Variants in SAXO1 observed in about 807,000 individuals in gnomAD.
SAXO1 encodes the protein stabilizer of axonemal microtubules 1.
Under a neutral mutation model 17.5 loss-of-function variants are expected in SAXO1, and 21 were observed. That is an observed-to-expected ratio of 1.20 (90% CI 0.85 to 1.72). The LOEUF (loss-of-function observed/expected upper bound fraction) is 1.72. Among genes scored for constraint, SAXO1 ranks in the 40% most tolerant of loss-of-function variants. The pLI, the probability that SAXO1 is intolerant of heterozygous loss-of-function variation, is 0.00. For synonymous variants in SAXO1, 274 were observed against 216.5 expected (o/e 1.27, Z -2.33); for missense variants, 843 against 596.0 (o/e 1.41, Z -4.32).
At chr9:19,045,870 C>T (rs1836200571) in intron 1 of SAXO1, among the ~76,000 whole-genome samples, 2 of 152,172 alleles carry the variant, frequency 1.3e-5, no homozygotes, top group Admixed American at 6.5e-5. Context: ...CATTTTTGAA[C>T]TTCTTTTACT....
rs377548015 is a variant in SAXO1 at position 18,928,845 on chromosome 9, T to G, written c.632A>C (p.Tyr211Ser). 6.2e-7 allele frequency: 1 copy of G among 1,614,152 alleles called. No homozygotes were observed. Among genetic ancestry groups the G allele is most frequent in the Non-Finnish European group, 8.5e-7 (1 of 1,180,040 alleles). Residue 211 changes from tyrosine (Y) to serine (S), a missense_variant, in exon 4 of 4, where the codon TAT (tyrosine) becomes TCT (serine). Coordinates refer to ENST00000380534, the MANE Select transcript of SAXO1 (RefSeq NM_153707.4). Reference protein sequence around the residue: ...LEDVTNYKMSYVAHPVEKRFV... With the variant: ...LEDVTNYKMSSVAHPVEKRFV... Reference sequence around the variant, plus strand: ...GCGCTTCTCCACGGGGTGGGCCACATAGCTCATCTTGTAGTTAGTCACATC... The same window carrying G: ...GCGCTTCTCCACGGGGTGGGCCACAGAGCTCATCTTGTAGTTAGTCACATC...
intron 1 of SAXO1, among the ~76,000 whole-genome samples, chr9:19,010,689 G>A (rs769977988): frequency 6.6e-6 from 1 of 151,984 alleles, no homozygotes; most frequent in Non-Finnish European, 1.5e-5. Context: ...TTTTAAAAAC[G>A]GGTTAAAAAA....
chr9:18,961,917 G>A (rs955144215), intron 1 of SAXO1, among the ~76,000 whole-genome samples: 2 of 152,176 alleles, frequency 1.3e-5, no homozygotes, highest in Non-Finnish European at 2.9e-5. Flanking sequence ...TTGCCACACT[G>A]TCTTCCACAA....
At chr9:18,990,671 A>G (rs1475482794) in intron 1 of SAXO1, among the ~76,000 whole-genome samples, 1 of 152,196 alleles carries the variant, frequency 6.6e-6, no homozygotes, top group Non-Finnish European at 1.5e-5. Context: ...GAGCAAGTGA[A>G]GCTTCATCTG....
intron 1 of SAXO1, among the ~76,000 whole-genome samples, chr9:18,954,097 A>G (rs1196180190): frequency 2.6e-5 from 4 of 152,180 alleles, no homozygotes; most frequent in African/African-American, 9.7e-5. Flanking sequence ...ATGGATCCAT[A>G]GGCCGGGAAG....
At chr9:19,046,039 G>C (rs1836205911) in intron 1 of SAXO1, among the ~76,000 whole-genome samples, 1 of 128,604 alleles carries the variant, frequency 7.8e-6, no homozygotes, top group African/African-American at 3.1e-5. Context: ...GGTGAGCAGA[G>C]ATTGCGCCGT....
intron 1 of SAXO1, among the ~76,000 whole-genome samples, chr9:18,989,625 G>A (rs1035356931): frequency 6.6e-6 from 1 of 151,360 alleles, no homozygotes; most frequent in Non-Finnish European, 1.5e-5. Context: ...GTACTTTCAG[G>A]CTTTTAAAAA....
rs1416898440 is a variant in SAXO1 at position 19,038,581 on chromosome 9, G to C, written c.-158+10628C>G. ...ATGAGAACACATGGACACAGGAAGG[G>C]GAACATCACACTCTGGGGACTGTTG... On this transcript the variant is annotated intron_variant, in intron 1 of 3. Transcript: ENST00000542071. Among the ~76,000 whole-genome samples the C allele has an allele frequency of 1.9e-4, 25 of 132,306 alleles. No homozygotes were observed. The South Asian group carries it at 6.5e-3, about 35-fold the overall frequency. The allele number at this position is 132,306 out of a possible 152,430, so 86.8% of individuals were successfully genotyped here.
At chr9:18,986,696 G>A (rs1833607369) in intron 1 of SAXO1, among the ~76,000 whole-genome samples, 1 of 152,134 alleles carries the variant, frequency 6.6e-6, no homozygotes, top group Non-Finnish European at 1.5e-5. Flanking sequence ...CAAAATTCCA[G>A]AAAGATTCAA....
intron 1 of SAXO1, among the ~76,000 whole-genome samples, chr9:18,994,729 C>T (rs951319337): frequency 6.6e-6 from 1 of 152,226 alleles, no homozygotes; most frequent in Non-Finnish European, 1.5e-5. Flanking sequence ...GGGCTGCCCC[C>T]AAAGTCCCTA....
intron 1 of SAXO1, among the ~76,000 whole-genome samples, chr9:18,968,525 A>T (rs1281394150): frequency 6.6e-6 from 1 of 152,118 alleles, no homozygotes; most frequent in Non-Finnish European, 1.5e-5. Flanking sequence ...AGTGAAAAAA[A>T]GTTTCTAAAA....
upstream of SAXO1, among the ~76,000 whole-genome samples, chr9:19,038,115 C>T (rs35999003): frequency 9.7e-4 from 148 of 152,200 alleles, no homozygotes; most frequent in African/African-American, 2.2e-3. Flanking sequence ...CAACAGGTGC[C>T]GGAGAGGATG....
In SAXO1 at chr9:18,950,844, A is replaced by G. The variant is rs1458490980; in HGVS notation, c.132T>C (p.Tyr44=). ...LSEYTENYPF[Y]HSYLPRESFK... ...AGGACTCTCTGGGCAGGTAGGAGTGATAGAAAGGGTAGTTCTCGGTATATT... is the reference window on the plus strand; with the variant it reads ...AGGACTCTCTGGGCAGGTAGGAGTGGTAGAAAGGGTAGTTCTCGGTATATT... The change falls in exon 2 of 4, where the codon TAT becomes TAC. Residue 44 remains tyrosine (Y), a synonymous_variant. Coordinates refer to ENST00000380534, the MANE Select transcript of SAXO1 (RefSeq NM_153707.4). The G allele has an allele frequency of 6.2e-7, 1 of 1,613,740 alleles. No individual in the cohort carries two copies. Among genetic ancestry groups the G allele is most frequent in the Non-Finnish European group, 8.5e-7 (1 of 1,179,800 alleles).
rs781643170 is a variant in SAXO1, at chr9:18,928,392, T to C, written c.1085A>G (p.Asp362Gly). 1.5e-5 allele frequency: 24 copies of C among 1,610,842 alleles called. No homozygotes were observed. The highest frequency in any genetic ancestry group is 1.2e-5 in the Non-Finnish European group (14 of 1,178,598). The change falls in exon 4 of 4, where the codon GAC (aspartate) becomes GGC (glycine). Residue 362 changes from aspartate (D) to glycine (G), a missense_variant. Transcript: ENST00000380534. ...GCAGTCCAGGGGCTCGGTGGGCAAG[T>C]CCAGCTGGGGAACGGGCTTGACTGG... ...TEPVKPVPQL[D>G]LPTEPLDCLT...
chr9:18,939,145 G>A (rs1831442207), intron 3 of SAXO1, among the ~76,000 whole-genome samples: 1 of 152,164 alleles, frequency 6.6e-6, no homozygotes, highest in African/African-American at 2.4e-5. Flanking sequence ...CCATATCACA[G>A]TCCCTTATTC....
intron 1 of SAXO1, among the ~76,000 whole-genome samples, chr9:18,970,654 C>G (rs1832912533): frequency 1.3e-5 from 2 of 152,286 alleles, no homozygotes; most frequent in South Asian, 4.1e-4. Context: ...CTGGTGACAA[C>G]TTGAGTGGGG....
intron 1 of SAXO1, among the ~76,000 whole-genome samples, chr9:19,005,253 C>A (rs185996300): frequency 9.3e-4 from 141 of 152,146 alleles, no homozygotes; most frequent in African/African-American, 3.4e-3. Flanking sequence ...AAATCTGTGG[C>A]CTTTTTGGCA....
At chr9:18,964,670 C>A (rs971866412) in intron 1 of SAXO1, among the ~76,000 whole-genome samples, 1 of 152,086 alleles carries the variant, frequency 6.6e-6, no homozygotes, top group African/African-American at 2.4e-5. Context: ...ATTAGTCTGG[C>A]TAGTGGTCTA....
chr9:19,005,370 T>C (rs1254433088), intron 1 of SAXO1, among the ~76,000 whole-genome samples: 1 of 151,922 alleles, frequency 6.6e-6, no homozygotes, highest in East Asian at 1.9e-4. Flanking sequence ...CACTTCCTGA[T>C]TTCAAAACTG....
Sources: gnomAD v4.1 joint callset for allele counts (sites outside exome capture counted in the v4.1 genomes callset) on GRCh38, gnomAD v4.1.1 for gene constraint, MANE v1.5 for transcripts, NCBI Gene and HGNC (gene_info 2026-07-23, HGNC 2026-07-21) for gene names.